Variants in DOCK2 observed in about 807,000 individuals in gnomAD.
The protein encoded by DOCK2 is dedicator of cytokinesis protein 2.
DOCK2 carries 87 observed loss-of-function variants against 248.9 expected under a neutral mutation model. The observed-to-expected ratio is 0.35, with a 90% CI of 0.29 to 0.42. The LOEUF (loss-of-function observed/expected upper bound fraction) is 0.42, where lower values mean the gene tolerates loss of function less well. DOCK2 is among the 10% of genes least tolerant of loss of function. The probability of loss-of-function intolerance (pLI) is 1.00; values close to 1 mark genes in which losing one functional copy is unlikely to be tolerated. For synonymous variants in DOCK2, 805 were observed against 821.6 expected (o/e 0.98, Z 0.35); for missense variants, 1,747 against 2,300.2 (o/e 0.76, Z 4.92).
intron 6 of DOCK2, among the ~76,000 whole-genome samples, chr5:169,677,861 G>A (rs1759420729): frequency 6.6e-6 from 1 of 152,208 alleles, no homozygotes; most frequent in South Asian, 2.1e-4. Context: ...TCTGGGCTGA[G>A]GGCAGGGGTT....
At chr5:169,775,425 CTCTT>C (rs1484159487) in intron 25 of DOCK2, among the ~76,000 whole-genome samples, 4 of 152,162 alleles carry the variant, frequency 2.6e-5, no homozygotes, top group Non-Finnish European at 5.9e-5. Context: ...TAGTCTGTCT[CTCTT>C]TCTTTTTTCT....
chr5:169,996,207 C>A (rs776784779), intron 30 of DOCK2, 43 bp downstream of exon 30: 3 of 1,582,100 alleles, frequency 1.9e-6, no homozygotes, highest in African/African-American at 1.3e-5. Flanking sequence ...CTGCCCAGGG[C>A]GTCTCTGACA....
chr5:169,801,023 T>C (rs1428834474), intron 25 of DOCK2, among the ~76,000 whole-genome samples: 2 of 143,356 alleles, frequency 1.4e-5, no homozygotes, highest in African/African-American at 5.2e-5. Context: ...TTGTGTGACC[T>C]TGGCTCACTG....
intron 5 of DOCK2, among the ~76,000 whole-genome samples, chr5:169,672,788 C>A (rs1036805225): frequency 1.4e-4 from 22 of 152,212 alleles, no homozygotes; most frequent in African/African-American, 5.3e-4. Flanking sequence ...TGCCTGGGCA[C>A]CCCCTTTTTT....
chr5:169,987,937 T>G (rs1406444187), intron 29 of DOCK2, among the ~76,000 whole-genome samples: 2 of 152,216 alleles, frequency 1.3e-5, no homozygotes, highest in Non-Finnish European at 2.9e-5. Flanking sequence ...AGTGTTAGTT[T>G]CCTAGTCTGT....
chr5:169,859,079 C>A (rs1771038189), intron 27 of DOCK2, among the ~76,000 whole-genome samples: 1 of 151,994 alleles, frequency 6.6e-6, no homozygotes. Context: ...TGGGGAGGTT[C>A]CTGCAGAGGC....
intron 40 of DOCK2, among the ~76,000 whole-genome samples, chr5:170,047,950 G>C (rs1245816261): frequency 6.6e-6 from 1 of 152,168 alleles, no homozygotes; most frequent in Non-Finnish European, 1.5e-5. Flanking sequence ...TCGTTCTCAG[G>C]CTTTTTGGTT....
rs56934039 is a variant in DOCK2, at chr5:169,802,652, AT to A, written c.2555-405del. Among the ~76,000 whole-genome samples, 872 of 152,340 alleles carry A rather than the reference AT, an allele frequency of 5.7e-3. 10 individuals carry two copies. The highest frequency in any genetic ancestry group is 0.02 in the African/African-American group (843 of 41,592). On this transcript the variant is annotated intron_variant, in intron 25 of 51. Transcript: ENST00000520908. ...TGTATAAAATGGAAACAAAGCCAAA[AT>A]AACTATATGTTTTATACTGATAAAC...
intron 45 of DOCK2, among the ~76,000 whole-genome samples, chr5:170,067,908 G>A (rs1432253612): frequency 6.6e-6 from 1 of 152,188 alleles, no homozygotes; most frequent in Non-Finnish European, 1.5e-5. Flanking sequence ...TGCTGGGGCA[G>A]GGAGGGGCAG....
intron 35 of DOCK2, among the ~76,000 whole-genome samples, chr5:170,035,766 G>A (rs1756302156): frequency 6.6e-6 from 1 of 152,168 alleles, no homozygotes; most frequent in South Asian, 2.1e-4. Flanking sequence ...CCCATTGACT[G>A]TGTGCTCTGG....
chr5:169,730,775 A>C (rs1157289966), intron 22 of DOCK2, among the ~76,000 whole-genome samples: 1 of 152,104 alleles, frequency 6.6e-6, no homozygotes, highest in African/African-American at 2.4e-5. Flanking sequence ...CACCACACTT[A>C]CTATTTTTAA....
chr5:169,813,640 A>G (rs1269392377), intron 26 of DOCK2, among the ~76,000 whole-genome samples: 1 of 152,212 alleles, frequency 6.6e-6, no homozygotes, highest in Admixed American at 6.5e-5. Flanking sequence ...GGGACTTGGC[A>G]AAGCCAGTAT....
At chr5:169,650,281 C>T (rs113899543) in intron 1 of DOCK2, among the ~76,000 whole-genome samples, 2 of 152,212 alleles carry the variant, frequency 1.3e-5, no homozygotes, top group Non-Finnish European at 2.9e-5. Context: ...TTAAAATGTG[C>T]TCTAAATATT....
rs146848448 is a variant in DOCK2 at position 169,654,146 on chromosome 5, A to T, written c.44-257A>T. Among the ~76,000 whole-genome samples, 1,363 of 152,342 alleles carry T rather than the reference A, an allele frequency of 8.9e-3. 18 individuals carry two copies. The highest frequency in any genetic ancestry group is 0.031 in the African/African-American group (1,289 of 41,574). ...ACAGTAAGAGGACAGTCCATAGTAAATAGCAGCCTCCTTGTCACTCAGGCT... is the reference window on the plus strand; with the variant it reads ...ACAGTAAGAGGACAGTCCATAGTAATTAGCAGCCTCCTTGTCACTCAGGCT... On this transcript the variant is annotated intron_variant, in intron 1 of 51. Coordinates refer to ENST00000520908, the MANE Select transcript of DOCK2 (RefSeq NM_004946.3).
intron 41 of DOCK2, among the ~76,000 whole-genome samples, chr5:170,051,193 G>C (rs17671170): frequency 0.11 from 17,240 of 152,162 alleles, 1,694 homozygotes; most frequent in East Asian, 0.47. Flanking sequence ...TGGCAGGAAG[G>C]AGCATAGCAG....
chr5:169,888,236 A>G (rs893837500), intron 27 of DOCK2, among the ~76,000 whole-genome samples: 3 of 152,144 alleles, frequency 2.0e-5, no homozygotes, highest in Non-Finnish European at 4.4e-5. Flanking sequence ...GGCTAAAAGC[A>G]CCCTCTGGAG....
chr5:169,939,425 C>T (rs981990378), intron 27 of DOCK2, among the ~76,000 whole-genome samples: 1 of 152,074 alleles, frequency 6.6e-6, no homozygotes, highest in African/African-American at 2.4e-5. Flanking sequence ...CTGCCTGAGG[C>T]TGTTTTATAG....
intron 47 of DOCK2, among the ~76,000 whole-genome samples, chr5:170,076,614 C>T (rs775091451): frequency 6.6e-6 from 1 of 152,216 alleles, no homozygotes; most frequent in East Asian, 1.9e-4. Context: ...CTGGTGCTTA[C>T]GGGGTGCTTC....
At chr5:169,708,522 C>G (rs1170581241) in intron 15 of DOCK2, among the ~76,000 whole-genome samples, 2 of 151,748 alleles carry the variant, frequency 1.3e-5, no homozygotes, top group African/African-American at 4.8e-5. Flanking sequence ...TGCTCATCCC[C>G]GCAAGCTGAG....
Sources: allele counts gnomAD v4.1 joint callset (sites outside exome capture counted in the v4.1 genomes callset), GRCh38; gene constraint gnomAD v4.1.1; transcripts MANE v1.5; gene names NCBI Gene and HGNC (gene_info 2026-07-23, HGNC 2026-07-21).